Variants in ZBTB16 observed in about 807,000 individuals in gnomAD.
The protein encoded by ZBTB16 is zinc finger and BTB domain containing 16.
In ZBTB16, 8 loss-of-function variants were observed where a neutral mutation model predicts 56.8. That is an observed-to-expected ratio of 0.14 (90% confidence interval 0.08 to 0.25). ZBTB16 has a LOEUF of 0.25. Among genes scored for constraint, ZBTB16 ranks in the 10% least tolerant of loss-of-function variants. The pLI, the probability that ZBTB16 is intolerant of heterozygous loss-of-function variation, is 1.00. For synonymous variants in ZBTB16, 363 were observed against 368.5 expected (o/e 0.98, Z 0.17); for missense variants, 625 against 903.0 (o/e 0.69, Z 3.95).
chr11:114,186,064 A>G (rs1417249932), intron 3 of ZBTB16, among the ~76,000 whole-genome samples: 1 of 152,150 alleles, frequency 6.6e-6, no homozygotes. Context: ...GGCATTTAAA[A>G]TGGAGCACAT....
intron 2 of ZBTB16, among the ~76,000 whole-genome samples, chr11:114,155,031 TA>T (rs58895081): frequency 0.082 from 12,419 of 152,222 alleles, 992 homozygotes; most frequent in African/African-American, 0.2. Flanking sequence ...ACCATCTAGA[TA>T]CTGCCAGCTT....
intron 2 of ZBTB16, among the ~76,000 whole-genome samples, chr11:114,135,585 A>G (rs990016058): frequency 6.6e-6 from 1 of 152,050 alleles, no homozygotes; most frequent in African/African-American, 2.4e-5. Context: ...AGGTAGGGGG[A>G]CAGTCTCTCC....
At position 114,156,355 on chromosome 11, in the gene ZBTB16, G is replaced by A. The variant is rs750447749; in HGVS notation, c.1287G>A (p.Met429Ile). ...VEQHRKLHSG[M>I]KTYGCELCGK... ...CTTACAGGAAGCTGCACAGTGGGATGAAGACGTACGGGTGCGAGCTCTGCG... is the reference window on the plus strand; with the variant it reads ...CTTACAGGAAGCTGCACAGTGGGATAAAGACGTACGGGTGCGAGCTCTGCG... The change falls in exon 3 of 7, where the codon ATG (methionine) becomes ATA (isoleucine). Residue 429 changes from methionine (M) to isoleucine (I), a missense_variant. By Grantham distance (10) the Met-to-Ile change is conservative. Coordinates refer to ENST00000335953, the MANE Select transcript of ZBTB16 (RefSeq NM_006006.6). 11 of 1,614,246 alleles carry A rather than the reference G, an allele frequency of 6.8e-6. No individual in the cohort carries two copies. The highest frequency in any genetic ancestry group is 9.3e-6 in the Non-Finnish European group (11 of 1,180,050).
intron 4 of ZBTB16, among the ~76,000 whole-genome samples, chr11:114,224,109 T>C (rs1944287634): frequency 1.3e-5 from 2 of 152,178 alleles, no homozygotes; most frequent in Non-Finnish European, 1.5e-5. Flanking sequence ...GGTGATGTCA[T>C]GGAAAAGTTA....
intron 2 of ZBTB16, among the ~76,000 whole-genome samples, chr11:114,065,899 A>T (rs145965415): frequency 1.7e-4 from 26 of 152,238 alleles, no homozygotes; most frequent in African/African-American, 5.3e-4. Flanking sequence ...GAGCGTTTTG[A>T]AGATTGCTTA....
At position 114,060,069 on chromosome 11, in the gene ZBTB16, T is replaced by C. The variant is rs1430963407; in HGVS notation, c.-91+187T>C. On this transcript the variant is annotated intron_variant, in intron 1 of 6. Coordinates refer to ENST00000335953, the MANE Select transcript of ZBTB16 (RefSeq NM_006006.6). The surrounding 1 kb of genome is among the most constrained non-coding windows in gnomAD (Gnocchi z 6.0). ...TCGCCGCCACCGGTTGGGGGTCGGC[T>C]AGAAGGGGGAGCCCCGGCTGTCAGC... Among the ~76,000 whole-genome samples, 1 of 152,036 alleles carries C rather than the reference T, an allele frequency of 6.6e-6. No homozygotes were observed. The highest frequency in any genetic ancestry group is 2.4e-5 in the African/African-American group (1 of 41,402).
intron 3 of ZBTB16, chr11:114,180,906 G>T (rs1943232509): frequency 6.6e-6 from 1 of 152,248 alleles, no homozygotes; most frequent in South Asian, 2.1e-4. Context: ...GTTGAATGGG[G>T]CTCCAGGGGC....
rs1944920580 is a variant in ZBTB16 at position 114,251,721 on chromosome 11, A to G, written c.*1166A>G. On this transcript the variant is annotated 3_prime_UTR_variant, in exon 7 of 7. Coordinates refer to ENST00000335953, the MANE Select transcript of ZBTB16 (RefSeq NM_006006.6). ...GAGTCGCACAGAATTCCTGACTCAC[A>G]GCGCCCCTCGGTCCACAGTGGAGAG... is the stretch of plus-strand genomic sequence containing the variant. Among the ~76,000 whole-genome samples the G allele has an allele frequency of 6.6e-6, 1 of 152,196 alleles. No individual in the cohort carries two copies.
intron 2 of ZBTB16, among the ~76,000 whole-genome samples, chr11:114,074,794 C>T (rs886610972): frequency 6.6e-6 from 1 of 152,226 alleles, no homozygotes; most frequent in South Asian, 2.1e-4. Context: ...GGTCCGCGGC[C>T]CTGACCCTGG....
intron 4 of ZBTB16, among the ~76,000 whole-genome samples, chr11:114,202,755 G>A (rs1230026261): frequency 6.6e-6 from 1 of 152,198 alleles, no homozygotes; most frequent in Non-Finnish European, 1.5e-5. Context: ...CGGAGCCCCG[G>A]GGTGAGGGGG....
chr11:114,131,704 T>G (rs1941664633), intron 2 of ZBTB16, among the ~76,000 whole-genome samples: 2 of 152,168 alleles, frequency 1.3e-5, no homozygotes, highest in African/African-American at 4.8e-5. Context: ...ACTAAAATGC[T>G]CAGAGACTTC....
chr11:114,066,157 G>C (rs1178478423), intron 2 of ZBTB16, among the ~76,000 whole-genome samples: 7 of 152,154 alleles, frequency 4.6e-5, no homozygotes, highest in Non-Finnish European at 8.8e-5. Context: ...CCTGTTGCTC[G>C]TTCAGGTACG....
chr11:114,150,032 A>G (rs761112330), intron 2 of ZBTB16, among the ~76,000 whole-genome samples: 3 of 152,358 alleles, frequency 2.0e-5, no homozygotes, highest in Non-Finnish European at 2.9e-5. Context: ...TTGCCCCCAC[A>G]GAGTGTATAG....
At chr11:114,105,271 C>T (rs1008098967) in intron 2 of ZBTB16, among the ~76,000 whole-genome samples, 5 of 150,844 alleles carry the variant, frequency 3.3e-5, no homozygotes, top group African/African-American at 9.8e-5. Context: ...CGTGGAGTCT[C>T]GCTCTGTCAC....
intron 2 of ZBTB16, among the ~76,000 whole-genome samples, chr11:114,066,389 G>A (rs183828314): frequency 1.6e-3 from 245 of 152,322 alleles, no homozygotes; most frequent in African/African-American, 5.6e-3. Flanking sequence ...ATAGACTGAG[G>A]TTGTGTTTGT....
chr11:114,167,392 T>G (rs1326729213), intron 3 of ZBTB16, among the ~76,000 whole-genome samples: 4 of 130,568 alleles, frequency 3.1e-5, no homozygotes, highest in East Asian at 2.2e-4. Flanking sequence ...TTTTGTTTTT[T>G]TTTTTTTTTA....
At position 114,247,260 on chromosome 11, in the gene ZBTB16, A is replaced by G. The variant is rs1156570436; in HGVS notation, c.1687A>G (p.Ser563Gly). 3.1e-6 allele frequency: 5 copies of G among 1,614,240 alleles called. No individual in the cohort carries two copies. The highest frequency in any genetic ancestry group is 4.2e-6 in the Non-Finnish European group (5 of 1,180,036). Residue 563 changes from serine to glycine, a missense_variant, in exon 6 of 7, where the codon AGC (serine) becomes GGC (glycine). By Grantham distance (56) the Ser-to-Gly change is moderately conservative. Coordinates refer to ENST00000335953, the MANE Select transcript of ZBTB16 (RefSeq NM_006006.6). ...CTTCCGGGATGAGAGCACACTCAAG[A>G]GCCACAAACGCATCCACACGGGTGA... ...SCFRDESTLK[S>G]HKRIHTGEKP...
chr11:114,065,170 T>C (rs1373600049), intron 2 of ZBTB16, among the ~76,000 whole-genome samples: 1 of 152,208 alleles, frequency 6.6e-6, no homozygotes, highest in Non-Finnish European at 1.5e-5. Context: ...GGGGAATTGA[T>C]TTAAATGCAA....
At chr11:114,190,997 C>A (rs493327) in intron 4 of ZBTB16, among the ~76,000 whole-genome samples, 88,680 of 151,974 alleles carry the variant, frequency 0.58, 26,354 homozygotes, top group African/African-American at 0.67. Context: ...AGGCATGTCA[C>A]GTGGCCAGAG....
Sources: allele counts gnomAD v4.1 joint callset (sites outside exome capture counted in the v4.1 genomes callset), GRCh38; gene constraint gnomAD v4.1.1; non-coding constraint Gnocchi (gnomAD v3.1); transcripts MANE v1.5; gene names NCBI Gene and HGNC (gene_info 2026-07-23, HGNC 2026-07-21).